TCF4: variants seen among roughly 807,000 people sequenced by gnomAD.
The protein encoded by TCF4 is SL3-3 enhancer factor 2.
In TCF4, 3 loss-of-function variants were observed where a neutral mutation model predicts 82.1. The ratio of observed to expected loss-of-function variants is 0.04; its 90% CI spans 0.02 to 0.09. The LOEUF is 0.09. Among genes scored for constraint, TCF4 ranks in the 10% least tolerant of loss-of-function variants. The probability of loss-of-function intolerance (pLI) is 1.00; values close to 1 mark genes in which losing one functional copy is unlikely to be tolerated. For synonymous variants in TCF4, 276 were observed against 309.6 expected, an observed-to-expected ratio of 0.89 and a Z score of 1.14; for missense variants, 518 against 852.7, an observed-to-expected ratio of 0.61 and a Z score of 4.89.
intron 3 of TCF4, among the ~76,000 whole-genome samples, chr18:55,477,691 A>T (rs1439419771): frequency 6.6e-6 from 1 of 152,144 alleles, no homozygotes; most frequent in Non-Finnish European, 1.5e-5. Context: ...GTTTCCTCTA[A>T]ACCATGCTGC....
chr18:55,613,715 A>C (rs1308594389), intron 2 of TCF4, among the ~76,000 whole-genome samples: 1 of 152,134 alleles, frequency 6.6e-6, no homozygotes, highest in Admixed American at 6.5e-5. Flanking sequence ...GCTAGATCTC[A>C]CAAGAACTAT....
intron 5 of TCF4, among the ~76,000 whole-genome samples, chr18:55,409,762 A>G (rs1187595759): frequency 6.6e-6 from 1 of 152,180 alleles, no homozygotes; most frequent in Non-Finnish European, 1.5e-5. Context: ...GCTGGTTTCT[A>G]TTGGCTTATA....
chr18:55,581,333 C>T (rs183537863), intron 3 of TCF4, among the ~76,000 whole-genome samples: 4 of 152,040 alleles, frequency 2.6e-5, no homozygotes, highest in Admixed American at 2.6e-4. Flanking sequence ...TATCTTGGGC[C>T]TCAGTTTTCT....
At chr18:55,471,856 G>A (rs1905335471) in intron 3 of TCF4, among the ~76,000 whole-genome samples, 1 of 151,742 alleles carries the variant, frequency 6.6e-6, no homozygotes, top group Non-Finnish European at 1.5e-5. Context: ...GGCTTTCTCA[G>A]AGCTAATGGA....
chr18:55,350,009 T>C (rs987063546), intron 8 of TCF4, among the ~76,000 whole-genome samples: 3 of 152,152 alleles, frequency 2.0e-5, no homozygotes, highest in East Asian at 3.9e-4. Flanking sequence ...TGCAAATCCA[T>C]AAATCATCAT....
intron 3 of TCF4, chr18:55,495,725 T>C (rs929125502): frequency 3.9e-5 from 6 of 152,144 alleles, no homozygotes; most frequent in South Asian, 2.1e-4. Flanking sequence ...ACAAATAAGA[T>C]TGATGTTGTA....
At chr18:55,532,243 T>C (rs765517043) in intron 3 of TCF4, among the ~76,000 whole-genome samples, 3 of 152,226 alleles carry the variant, frequency 2.0e-5, no homozygotes, top group Non-Finnish European at 4.4e-5. Flanking sequence ...TCTGGTGATA[T>C]GATTAAATAT....
chr18:55,425,166 C>T (rs923594690), intron 5 of TCF4, among the ~76,000 whole-genome samples: 3 of 152,124 alleles, frequency 2.0e-5, no homozygotes, highest in Admixed American at 6.6e-5. Flanking sequence ...AGAGTACAGG[C>T]TAAGTTGGGT....
intron 3 of TCF4, among the ~76,000 whole-genome samples, chr18:55,542,812 T>C (rs2097175544): frequency 6.6e-6 from 1 of 152,038 alleles, no homozygotes; most frequent in Non-Finnish European, 1.5e-5. Context: ...ATCTGTAAAA[T>C]ACATTTAGAA....
At chr18:55,405,220 T>A (rs2094026195) in intron 5 of TCF4, among the ~76,000 whole-genome samples, 1 of 152,262 alleles carries the variant, frequency 6.6e-6, no homozygotes. Context: ...TCGACCTTCA[T>A]GAGCTATCAA....
At chr18:55,279,796 G>A (rs2062177924) in intron 8 of TCF4, 140 bp from the exon 9 acceptor site, 3 of 1,349,970 alleles carry the variant, frequency 2.2e-6, no homozygotes, top group Admixed American at 4.8e-5. Flanking sequence ...TAGAAACAGT[G>A]CCCTTTCCGA....
At position 55,261,531 on chromosome 18, in the gene TCF4, T is replaced by C. The variant is rs1397255963; in HGVS notation, c.925A>G (p.Asn309Asp). 1.2e-6 allele frequency: 2 copies of C among 1,613,898 alleles called. No individual in the cohort carries two copies. Among genetic ancestry groups the C allele is most frequent in the Non-Finnish European group, 1.7e-6 (2 of 1,179,836 alleles). Residue 309 changes from asparagine (N) to aspartate (D), a missense_variant and splice_region_variant, in exon 12 of 20, where the codon AAT (asparagine) becomes GAT (aspartate). This residue lies in a region of TCF4 where 211 missense variants were observed against 327.4 expected (regional missense o/e 0.64). Coordinates refer to ENST00000354452, the MANE Select transcript of TCF4 (RefSeq NM_001083962.2). Reference protein sequence around the residue: ...PANGTDSIMANRGSGAAGSSQ... With the variant: ...PANGTDSIMADRGSGAAGSSQ... Reference sequence around the variant, plus strand: ...CTGCCGGCTGCCCCGCTTCCTCTATTTGCTGCAAAAACAAAAGGCAGAATA... The same window carrying C: ...CTGCCGGCTGCCCCGCTTCCTCTATCTGCTGCAAAAACAAAAGGCAGAATA...
intron 3 of TCF4, among the ~76,000 whole-genome samples, chr18:55,495,185 T>C (rs1435464226): frequency 6.6e-6 from 1 of 152,008 alleles, no homozygotes; most frequent in Admixed American, 6.6e-5. Flanking sequence ...TTCAGTGTTT[T>C]GCACCAAGTG....
chr18:55,625,039 A>G (rs1323448214), intron 2 of TCF4, among the ~76,000 whole-genome samples: 1 of 152,148 alleles, frequency 6.6e-6, no homozygotes, highest in Non-Finnish European at 1.5e-5. Flanking sequence ...ATAGAGATAA[A>G]TATTTTCATA....
intron 5 of TCF4, among the ~76,000 whole-genome samples, chr18:55,436,366 C>T (rs1402622264): frequency 2.0e-5 from 3 of 152,136 alleles, no homozygotes. Flanking sequence ...TTTTCAACTT[C>T]CCCAAAATTC....
chr18:55,627,869 G>C (rs1414894969), intron 2 of TCF4, among the ~76,000 whole-genome samples: 1 of 151,706 alleles, frequency 6.6e-6, no homozygotes, highest in Non-Finnish European at 1.5e-5. Context: ...TACCATCCTG[G>C]CCAACACGGT....
At chr18:55,631,873 TC>T (rs2097731926) in intron 1 of TCF4, among the ~76,000 whole-genome samples, 1 of 152,156 alleles carries the variant, frequency 6.6e-6, no homozygotes, top group South Asian at 2.1e-4. Context: ...AGGTATTAAT[TC>T]CAATTCTGCA....
At chr18:55,234,817 T>G in intron 15 of TCF4, 134 bp from the exon 16 acceptor site, 2 of 1,268,458 alleles carry the variant, frequency 1.6e-6, no homozygotes, top group South Asian at 1.2e-5. Context: ...TAGAGGGCGC[T>G]GAAGGACCGC....
At chr18:55,617,997 G>A (rs1488474979) in intron 2 of TCF4, among the ~76,000 whole-genome samples, 2 of 152,068 alleles carry the variant, frequency 1.3e-5, no homozygotes, top group Non-Finnish European at 2.9e-5. Context: ...GAATAGAACT[G>A]GTAAGAGTGG....
Sources: allele counts gnomAD v4.1 joint callset (sites outside exome capture counted in the v4.1 genomes callset), GRCh38; gene constraint gnomAD v4.1.1; regional missense constraint gnomAD v4.1.1; transcripts MANE v1.5; gene names NCBI Gene and HGNC (gene_info 2026-07-23, HGNC 2026-07-21).